Variants in PTPRN2 observed in about 807,000 individuals in gnomAD.
PTPRN2 encodes protein tyrosine phosphatase receptor type N2, also known as receptor-type tyrosine-protein phosphatase N2.
PTPRN2 carries 74 observed loss-of-function variants against 118.8 expected under a neutral mutation model. That is an observed-to-expected ratio of 0.62 (90% CI 0.52 to 0.76). The LOEUF is 0.76. Ranked by LOEUF, PTPRN2 falls within the 30% of genes least tolerant of loss-of-function variation. The probability of loss-of-function intolerance (pLI) is 0.00; values close to 1 mark genes in which losing one functional copy is unlikely to be tolerated. For synonymous variants in PTPRN2, 641 were observed against 608.0 expected (o/e 1.05, Z -0.80); for missense variants, 1,481 against 1,394.4 (o/e 1.06, Z -0.99).
chr7:158,296,001 T>C (rs1480618206), intron 3 of PTPRN2, among the ~76,000 whole-genome samples: 1 of 152,240 alleles, frequency 6.6e-6, no homozygotes, highest in Admixed American at 6.5e-5. Flanking sequence ...GGATTGCTTC[T>C]GATATGGGAG....
At chr7:158,001,167 G>A (rs1415124202) in intron 11 of PTPRN2, among the ~76,000 whole-genome samples, 1 of 138,060 alleles carries the variant, frequency 7.2e-6, no homozygotes, top group Non-Finnish European at 1.5e-5. Flanking sequence ...GGGTTTGGCC[G>A]CAGGTCTGGT....
At chr7:158,549,916 C>T (rs1336357695) in intron 1 of PTPRN2, among the ~76,000 whole-genome samples, 2 of 152,232 alleles carry the variant, frequency 1.3e-5, no homozygotes, top group East Asian at 1.9e-4. Context: ...GACGTGACCT[C>T]ACTAGACCCA....
intron 2 of PTPRN2, among the ~76,000 whole-genome samples, chr7:158,469,074 G>T (rs1819643277): frequency 6.6e-6 from 1 of 152,176 alleles, no homozygotes; most frequent in Non-Finnish European, 1.5e-5. Flanking sequence ...CACTCCTGGT[G>T]GATCAACACT....
intron 11 of PTPRN2, among the ~76,000 whole-genome samples, chr7:157,914,772 G>T (rs1050572294): frequency 1.3e-5 from 2 of 151,972 alleles, no homozygotes; most frequent in Non-Finnish European, 2.9e-5. Flanking sequence ...CTACTCTACT[G>T]CAAGACTTAT....
chr7:157,898,367 T>C (rs1227264937), intron 12 of PTPRN2, among the ~76,000 whole-genome samples: 2 of 152,244 alleles, frequency 1.3e-5, no homozygotes, highest in South Asian at 2.1e-4. Context: ...ACAAAACAGC[T>C]GAAGAAGGAA....
chr7:157,811,139 C>T (rs895626934), intron 12 of PTPRN2, among the ~76,000 whole-genome samples: 33 of 151,216 alleles, frequency 2.2e-4, no homozygotes, highest in African/African-American at 6.3e-4. Flanking sequence ...GGCGTGGTGG[C>T]GGGCACCTGT....
intron 3 of PTPRN2, among the ~76,000 whole-genome samples, chr7:158,268,296 C>T (rs71545578): frequency 1.3e-4 from 19 of 149,136 alleles, no homozygotes; most frequent in East Asian, 4.1e-4. Context: ...CGCGTGCACA[C>T]GGGGCGGGTG....
intron 12 of PTPRN2, among the ~76,000 whole-genome samples, chr7:157,822,710 TCCAC>T (rs1806928466): frequency 6.6e-6 from 1 of 151,902 alleles, no homozygotes; most frequent in African/African-American, 2.4e-5. Context: ...CACTCTTCTA[TCCAC>T]CCATCCACTA....
intron 12 of PTPRN2, among the ~76,000 whole-genome samples, chr7:157,734,673 C>G (rs1378804014): frequency 1.3e-5 from 2 of 152,216 alleles, no homozygotes; most frequent in African/African-American, 4.8e-5. Flanking sequence ...CTTACTGAAG[C>G]GTTACAAGGC....
Position 158,133,745 on chromosome 7 carries a change from G to A in PTPRN2, c.1488C>T (p.Ser496=), listed in dbSNP as rs780612619. 18 of 1,612,796 alleles carry A rather than the reference G, an allele frequency of 1.1e-5. No homozygotes were observed. Among genetic ancestry groups the A allele is most frequent in the South Asian group, 3.3e-5 (3 of 91,066 alleles). The change falls in exon 9 of 23, where the codon AGC becomes AGT. Residue 496 remains serine (S), a synonymous_variant. Transcript: ENST00000389418. ...GCTGGACCTCCAATTGCAGGCCGTC[G>A]CTGAGGGCCTCCTGAGCACCCGCTG... ...SLPAGAQEAL[S]DGLQLEVQPS...
chr7:158,265,750 G>A (rs1317783877), intron 3 of PTPRN2, among the ~76,000 whole-genome samples: 1 of 152,224 alleles, frequency 6.6e-6, no homozygotes, highest in Non-Finnish European at 1.5e-5. Flanking sequence ...AATGAGCAGA[G>A]GCACCATGAG....
rs1798080927 is a variant in PTPRN2, at chr7:158,268,748, C to G, written c.277+48071G>C. Among the ~76,000 whole-genome samples the G allele has an allele frequency of 3.0e-5, 4 of 131,918 alleles. No homozygotes were observed. The South Asian group carries it at 1.0e-3, about 34-fold the overall frequency. 86.5% of individuals were successfully genotyped at this position (131,918 alleles called of 152,430 possible). On this transcript the variant is annotated intron_variant, in intron 3 of 22. Coordinates refer to ENST00000389418, the MANE Select transcript of PTPRN2 (RefSeq NM_002847.5). ...GAGGGTGTGAAATATCCCAGCCCAG[C>G]CGCACACAGGGCGGGTGTGAAATAT...
At chr7:158,441,355 A>T (rs1212591838) in intron 2 of PTPRN2, among the ~76,000 whole-genome samples, 1 of 122,688 alleles carries the variant, frequency 8.2e-6, no homozygotes, top group African/African-American at 3.4e-5. Flanking sequence ...GATGGTGGTG[A>T]TGGTGATGGC....
intron 11 of PTPRN2, among the ~76,000 whole-genome samples, chr7:157,935,035 C>A (rs1799614916): frequency 6.6e-6 from 1 of 152,200 alleles, no homozygotes; most frequent in Admixed American, 6.5e-5. Context: ...TCATGCATAT[C>A]ATTGCTCCTG....
intron 12 of PTPRN2, among the ~76,000 whole-genome samples, chr7:157,892,063 C>A (rs552501035): frequency 2.2e-4 from 33 of 152,080 alleles, no homozygotes; most frequent in African/African-American, 8.0e-4. Context: ...TCTATCACGA[C>A]GCTTAGAAGC....
In PTPRN2 at chr7:157,598,487, C is replaced by G. The variant is rs1192476293; in HGVS notation, c.2419-3172G>C. ...GTGGGTGAGCTCAGGGAGTGAGGAG[C>G]TTGGACGTCGGCGTCTCCGGGCCTC... On this transcript the variant is annotated intron_variant, in intron 16 of 22. Coordinates refer to ENST00000389418, the MANE Select transcript of PTPRN2 (RefSeq NM_002847.5). The surrounding 1 kb of genome is among the most constrained non-coding windows in gnomAD (Gnocchi z 5.2). Among the ~76,000 whole-genome samples the G allele has an allele frequency of 6.8e-6, 1 of 146,662 alleles. No homozygotes were observed. The highest frequency in any genetic ancestry group is 1.5e-5 in the Non-Finnish European group (1 of 67,652).
intron 10 of PTPRN2, among the ~76,000 whole-genome samples, chr7:158,106,771 G>C: frequency 6.6e-6 from 1 of 152,258 alleles, no homozygotes; most frequent in Middle Eastern, 3.4e-3. Context: ...TAATCCTTGA[G>C]TAATCACTAA....
intron 14 of PTPRN2, among the ~76,000 whole-genome samples, chr7:157,638,580 A>G (rs987564643): frequency 6.6e-6 from 1 of 152,268 alleles, no homozygotes; most frequent in African/African-American, 2.4e-5. Context: ...TATGTCAAAC[A>G]GTGTTTTCAC....
chr7:158,106,185 C>A (rs1025508159), intron 10 of PTPRN2, among the ~76,000 whole-genome samples: 1 of 151,956 alleles, frequency 6.6e-6, no homozygotes, highest in Non-Finnish European at 1.5e-5. Flanking sequence ...CTTCCCTGAT[C>A]TATCTTAGCT....
Sources: gnomAD v4.1 joint callset for allele counts (sites outside exome capture counted in the v4.1 genomes callset) on GRCh38, gnomAD v4.1.1 for gene constraint, Gnocchi (gnomAD v3.1) non-coding constraint, MANE v1.5 for transcripts, NCBI Gene and HGNC (gene_info 2026-07-23, HGNC 2026-07-21) for gene names.